IQCH: variants seen among roughly 807,000 people sequenced by gnomAD.
IQCH encodes the protein IQ motif containing H.
In IQCH, 98 loss-of-function variants were observed where a neutral mutation model predicts 117.0. That is an observed-to-expected ratio of 0.84 (90% CI 0.71 to 0.99). The LOEUF is 0.99. IQCH is among the 50% of genes least tolerant of loss of function. The pLI, the probability that IQCH is intolerant of heterozygous loss-of-function variation, is 0.00. For missense variants in IQCH, 1,102 were observed against 1,243.8 expected, an observed-to-expected ratio of 0.89 and a Z score of 1.72; for synonymous variants, 412 against 448.2, an observed-to-expected ratio of 0.92 and a Z score of 1.02.
Position 67,391,640 on chromosome 15 carries a change from G to T in IQCH, c.1632+2634G>T, listed in dbSNP as rs917060602. On this transcript the variant is annotated intron_variant, in intron 12 of 20. Coordinates refer to ENST00000335894, the MANE Select transcript of IQCH (RefSeq NM_001031715.3). The surrounding 1 kb of genome is among the most constrained non-coding windows in gnomAD (Gnocchi z 4.3). The stretch of plus-strand genomic sequence containing the variant: ...ATGTAGCCATAATTCAATGGAACTA[G>T]ACACATTTTAGATTTTGTCATCTGT... 3.9e-5 allele frequency among the ~76,000 whole-genome samples: 6 copies of T among 152,060 alleles called. No homozygotes were observed. Among genetic ancestry groups the T allele is most frequent in the African/African-American group, 1.4e-4 (6 of 41,408 alleles).
At chr15:67,360,203 A>G in intron 8 of IQCH, 1 of 336,258 alleles carries the variant, frequency 3.0e-6, no homozygotes, top group Non-Finnish European at 5.4e-6. Context: ...TTCATCTTTT[A>G]AAAGTACACT....
chr15:67,430,218 A>G lies in IQCH; in HGVS notation c.2505+8641A>G, dbSNP rs143066138. 2.0e-5 allele frequency: 3 copies of G among 152,262 alleles called. No homozygotes were observed. Among genetic ancestry groups the G allele is most frequent in the Admixed American group, 6.5e-5 (1 of 15,288 alleles). 9.4% of individuals were successfully genotyped at this position (152,262 alleles called of 1,614,324 possible). A position where few individuals can be genotyped will look rare whatever the true frequency, so the allele number is the denominator to read the frequency against. ...TTATGTAAGGGGATCCAAGCAGTAA[A>G]CAAATAGCAGCAAAAGCTATTTCCA... On this transcript the variant is annotated intron_variant, in intron 16 of 20. Transcript: ENST00000335894. This position sits in a 1 kb window ranked among gnomAD's most constrained non-coding sequence, Gnocchi z 5.1.
Position 67,447,184 on chromosome 15 carries a change from A to G in IQCH, c.2506-17943A>G, listed in dbSNP as rs1358585624. Among the ~76,000 whole-genome samples the G allele has an allele frequency of 6.6e-6, 1 of 152,218 alleles. No individual in the cohort carries two copies. The highest frequency in any genetic ancestry group is 2.4e-5 in the African/African-American group (1 of 41,446). ...GGGAGTATGAATACCAAACCCATAA[A>G]GTTGTTCGGAGGATGATATGAGCAA... On this transcript the variant is annotated intron_variant, in intron 16 of 20. Transcript: ENST00000335894. The surrounding 1 kb of genome is among the most constrained non-coding windows in gnomAD (Gnocchi z 5.3).
chr15:67,338,289 A>G (rs1199914784), intron 5 of IQCH, among the ~76,000 whole-genome samples: 1 of 152,042 alleles, frequency 6.6e-6, no homozygotes, highest in East Asian at 1.9e-4. Context: ...AAAAAATGCC[A>G]CAAAATAAAA....
intron 16 of IQCH, among the ~76,000 whole-genome samples, chr15:67,461,555 A>G (rs2082795143): frequency 6.6e-6 from 1 of 152,222 alleles, no homozygotes; most frequent in African/African-American, 2.4e-5. Context: ...CCAGATGGAG[A>G]ACAGAACAAT....
Position 67,359,909 on chromosome 15 carries a change from G to A in IQCH, c.753+24G>A. Reference sequence around the variant, plus strand: ...AGGTCTGTAATTTGTGTGACTAGTTGAAATTTAGGGTCTGTCACCTGATGT... The same window carrying A: ...AGGTCTGTAATTTGTGTGACTAGTTAAAATTTAGGGTCTGTCACCTGATGT... On this transcript the variant is annotated intron_variant, in intron 8 of 20. Transcript: ENST00000335894. This position sits in a 1 kb window ranked among gnomAD's most constrained non-coding sequence, Gnocchi z 4.5. The A allele has an allele frequency of 1.3e-6, 2 of 1,582,500 alleles. No individual in the cohort carries two copies. The highest frequency in any genetic ancestry group is 8.7e-7 in the Non-Finnish European group (1 of 1,155,158).
chr15:67,363,199 C>A (rs1347144385), intron 8 of IQCH, among the ~76,000 whole-genome samples: 1 of 151,544 alleles, frequency 6.6e-6, no homozygotes, highest in Admixed American at 6.6e-5. Flanking sequence ...AAACAAACAA[C>A]CCCTGTGGAA....
intron 12 of IQCH, among the ~76,000 whole-genome samples, chr15:67,394,231 C>T (rs1971383203): frequency 6.6e-6 from 1 of 152,182 alleles, no homozygotes; most frequent in Admixed American, 6.5e-5. Flanking sequence ...TCAACCCCAA[C>T]CTCTTTCATA....
chr15:67,348,580 G>T (rs1026826060), intron 6 of IQCH, among the ~76,000 whole-genome samples: 1 of 152,180 alleles, frequency 6.6e-6, no homozygotes, highest in Admixed American at 6.5e-5. Context: ...ACCTATGGAT[G>T]CTGGATGCTA....
rs367556602 is a variant in IQCH at position 67,261,269 on chromosome 15, T to G, written c.52-3T>G. The G allele has an allele frequency of 1.3e-6, 2 of 1,521,874 alleles. No individual in the cohort carries two copies. Among genetic ancestry groups the G allele is most frequent in the Non-Finnish European group, 1.8e-6 (2 of 1,125,750 alleles). The allele number at this position is 1,521,874 out of a possible 1,614,324, so 94.3% of individuals were successfully genotyped here. On this transcript the variant is annotated splice_polypyrimidine_tract_variant and splice_region_variant and intron_variant, in intron 1 of 20. Coordinates refer to ENST00000335894, the MANE Select transcript of IQCH (RefSeq NM_001031715.3). The stretch of plus-strand genomic sequence containing the variant: ...CAATATTTTTCATTTTTTATACCTA[T>G]AGATCCATGAAGACCTTTATCAGTT...
At position 67,401,482 on chromosome 15, in the gene IQCH, A is replaced by G. The variant is rs1426859820; in HGVS notation, c.2097+1177A>G. On this transcript the variant is annotated intron_variant, in intron 14 of 20. Coordinates refer to ENST00000335894, the MANE Select transcript of IQCH (RefSeq NM_001031715.3). This position sits in a 1 kb window ranked among gnomAD's most constrained non-coding sequence, Gnocchi z 4.7. ...CTACCAGCATACATAGCAGTGGGCT[A>G]TGCAAAGTGATTTGCGTCTGCTTTG... Among the ~76,000 whole-genome samples the G allele has an allele frequency of 1.3e-5, 2 of 152,218 alleles. No homozygotes were observed. Among genetic ancestry groups the G allele is most frequent in the Non-Finnish European group, 2.9e-5 (2 of 68,042 alleles).
At chr15:67,482,277 C>T (rs1256300605) in intron 18 of IQCH, among the ~76,000 whole-genome samples, 1 of 152,198 alleles carries the variant, frequency 6.6e-6, no homozygotes, top group Non-Finnish European at 1.5e-5. Flanking sequence ...TTCAGAATTA[C>T]TACAAAGCCC....
At chr15:67,277,346 T>C (rs1165363860) in intron 3 of IQCH, among the ~76,000 whole-genome samples, 1 of 152,180 alleles carries the variant, frequency 6.6e-6, no homozygotes, top group Non-Finnish European at 1.5e-5. Context: ...GACTGTTTTT[T>C]TTCTTGCCTT....
At chr15:67,499,133 C>G (rs141905051) in intron 20 of IQCH, among the ~76,000 whole-genome samples, 1 of 151,610 alleles carries the variant, frequency 6.6e-6, no homozygotes, top group Admixed American at 6.6e-5. Context: ...CTCATCTCCA[C>G]GAAAACTTAT....
At chr15:67,419,053 T>TA (rs1234525566) in intron 15 of IQCH, among the ~76,000 whole-genome samples, 3 of 152,170 alleles carry the variant, frequency 2.0e-5, no homozygotes, top group Non-Finnish European at 4.4e-5. Flanking sequence ...AGCGACTGTC[T>TA]CATCTGAGCT....
intron 1 of IQCH, 62 bp downstream of exon 1, chr15:67,255,009 C>A: frequency 6.6e-7 from 1 of 1,520,800 alleles, no homozygotes; most frequent in Non-Finnish European, 9.1e-7. Flanking sequence ...AGCGAGGTCC[C>A]GCGCGCCGAT....
rs536941597 is a variant in IQCH at position 67,430,112 on chromosome 15, G to A, written c.2505+8535G>A. Among the ~76,000 whole-genome samples, 5 of 152,218 alleles carry A rather than the reference G, an allele frequency of 3.3e-5. No homozygotes were observed. The South Asian group carries it at 6.2e-4, about 19-fold the overall frequency. ...AATTCTAGGCCTTCAGAGATGGCAC[G>A]CAGAGTACATGGCACTCCAGAATAC... On this transcript the variant is annotated intron_variant, in intron 16 of 20. Transcript: ENST00000335894. This position sits in a 1 kb window ranked among gnomAD's most constrained non-coding sequence, Gnocchi z 5.1.
intron 4 of IQCH, among the ~76,000 whole-genome samples, chr15:67,295,791 T>A (rs1175048302): frequency 6.6e-6 from 1 of 152,166 alleles, no homozygotes; most frequent in African/African-American, 2.4e-5. Context: ...AATGGAAGTG[T>A]CCCTTTCCTA....
chr15:67,305,936 G>A (rs967031611), intron 4 of IQCH, among the ~76,000 whole-genome samples: 5 of 151,960 alleles, frequency 3.3e-5, no homozygotes, highest in African/African-American at 1.2e-4. Flanking sequence ...AAGAGAATTT[G>A]GGAAAGCACT....
Sources: allele counts gnomAD v4.1 joint callset (sites outside exome capture counted in the v4.1 genomes callset), GRCh38; gene constraint gnomAD v4.1.1; non-coding constraint Gnocchi (gnomAD v3.1); transcripts MANE v1.5; gene names NCBI Gene and HGNC (gene_info 2026-07-23, HGNC 2026-07-21).